The following COL5A1 variants were observed in gnomAD, a reference collection of about 807,000 sequenced individuals.
COL5A1 encodes collagen type V alpha 1 chain.
In COL5A1, 16 loss-of-function variants were observed where a neutral mutation model predicts 263.7. That is an observed-to-expected ratio of 0.06 (90% confidence interval 0.04 to 0.09). COL5A1 has a LOEUF of 0.09. Among genes scored for constraint, COL5A1 ranks in the 10% least tolerant of loss-of-function variants. The pLI, the probability that COL5A1 is intolerant of heterozygous loss-of-function variation, is 1.00. For synonymous variants in COL5A1, 1,012 were observed against 1,004.5 expected, an observed-to-expected ratio of 1.01 and a Z score of -0.14; for missense variants, 2,036 against 2,540.5, an observed-to-expected ratio of 0.80 and a Z score of 4.27.
At chr9:134,824,496 C>T (rs1481520412) in intron 61 of COL5A1, 104 bp from the exon 62 acceptor site, 8 of 1,482,892 alleles carry the variant, frequency 5.4e-6, no homozygotes, top group Non-Finnish European at 5.5e-6. Flanking sequence ...TGCCAGGCCC[C>T]AGGGAACCCC....
chr9:134,755,199 G>A lies in COL5A1; in HGVS notation c.1827+873G>A, dbSNP rs572601676. On this transcript the variant is annotated intron_variant, in intron 16 of 65. Transcript: ENST00000371817. The surrounding 1 kb of genome is among the most constrained non-coding windows in gnomAD (Gnocchi z 4.1). ...GGGCTGGATAATTCCAGGAGGATTA[G>A]CAGCTCTGGAATCGACTCTTGGTAG... Among the ~76,000 whole-genome samples the A allele has an allele frequency of 6.6e-6, 1 of 152,310 alleles. No homozygotes were observed. The highest frequency in any genetic ancestry group is 2.4e-5 in the African/African-American group (1 of 41,568).
chr9:134,694,746 C>A (rs12003837), intron 2 of COL5A1, among the ~76,000 whole-genome samples: 1 of 152,152 alleles, frequency 6.6e-6, no homozygotes, highest in Non-Finnish European at 1.5e-5. Flanking sequence ...AGGACTGTGA[C>A]ACAGGGGCTG....
At chr9:134,837,018 CAT>C (rs769247864) in intron 65 of COL5A1, among the ~76,000 whole-genome samples, 22 of 152,236 alleles carry the variant, frequency 1.4e-4, no homozygotes, top group Non-Finnish European at 2.6e-4. Context: ...ATGAGTATAA[CAT>C]AGCACCTGCC....
At chr9:134,825,607 T>A (rs940170240) in intron 62 of COL5A1, among the ~76,000 whole-genome samples, 185 bp from the exon 63 acceptor site, 1 of 152,106 alleles carries the variant, frequency 6.6e-6, no homozygotes, top group Non-Finnish European at 1.5e-5. Flanking sequence ...TTTGTCCACA[T>A]CTCTTTATGG....
At chr9:134,663,440 C>T (rs889414402) in intron 1 of COL5A1, among the ~76,000 whole-genome samples, 7 of 152,286 alleles carry the variant, frequency 4.6e-5, no homozygotes, top group South Asian at 4.1e-4. Flanking sequence ...GCAAGGAGGC[C>T]GCCCTGGCCA....
chr9:134,772,510 C>G (rs1352153179), intron 25 of COL5A1, among the ~76,000 whole-genome samples: 4 of 152,354 alleles, frequency 2.6e-5, no homozygotes, highest in Middle Eastern at 3.4e-3. Context: ...TTGCTGCATA[C>G]TCCCCGCAAG....
chr9:134,731,815 C>T lies in COL5A1; in HGVS notation c.1332+152C>T, dbSNP rs552378239. ...CAAAACTTTATTTTTAAAGAGACCT[C>T]GGTGCCTCGAATTTGCTCTGAATAA... On this transcript the variant is annotated intron_variant, in intron 8 of 65. Transcript: ENST00000371817. 699 of 945,660 alleles carry T rather than the reference C, an allele frequency of 7.4e-4. 7 individuals are homozygous for T. Among genetic ancestry groups the T allele is most frequent in the South Asian group, 6.3e-3 (374 of 59,496 alleles). 58.6% of individuals were successfully genotyped at this position (945,660 alleles called of 1,614,324 possible).
At chr9:134,727,206 C>T in intron 4 of COL5A1, 60 bp from the exon 5 acceptor site, 4 of 1,588,628 alleles carry the variant, frequency 2.5e-6, no homozygotes, top group Non-Finnish European at 3.4e-6. Flanking sequence ...GCTGTGTCTC[C>T]CAGGTCCCCA....
In COL5A1 at chr9:134,809,293, A is replaced by G. The variant is rs1355970901; in HGVS notation, c.3474+3A>G. The stretch of plus-strand genomic sequence containing the variant: ...CCCCTGGAGAAGACGGAGATAAGGT[A>G]AGGCAAATCCAGAGTGACCCATGGC... On this transcript the variant is annotated splice_donor_region_variant and intron_variant, in intron 43 of 65. Transcript: ENST00000371817. 2 of 1,604,686 alleles carry G rather than the reference A, an allele frequency of 1.2e-6. No individual in the cohort carries two copies. Among genetic ancestry groups the G allele is most frequent in the Non-Finnish European group, 8.5e-7 (1 of 1,175,674 alleles).
At chr9:134,725,278 G>T (rs190041710) in intron 4 of COL5A1, among the ~76,000 whole-genome samples, 1 of 152,290 alleles carries the variant, frequency 6.6e-6, no homozygotes, top group African/African-American at 2.4e-5. Context: ...ACAGGTCCTC[G>T]GTTTCCTCTG....
intron 35 of COL5A1, 62 bp from the exon 36 acceptor site, chr9:134,796,786 C>T: frequency 6.7e-7 from 1 of 1,497,152 alleles, no homozygotes; most frequent in Non-Finnish European, 9.3e-7. Context: ...ACAGGCAGGT[C>T]AGCGGCAGGA....
chr9:134,747,511 ACATT>A (rs1452012035), intron 11 of COL5A1, among the ~76,000 whole-genome samples: 3 of 145,058 alleles, frequency 2.1e-5, no homozygotes, highest in Non-Finnish European at 4.5e-5. Context: ...ACACACGTAC[ACATT>A]CATATGGACG....
At chr9:134,828,736 G>C (rs1839425325) in intron 63 of COL5A1, among the ~76,000 whole-genome samples, 1 of 8,556 alleles carries the variant, frequency 1.2e-4, no homozygotes, top group African/African-American at 4.8e-4. Flanking sequence ...CAGACACACA[G>C]ATACCACACA....
intron 1 of COL5A1, among the ~76,000 whole-genome samples, chr9:134,650,606 C>T (rs529475150): frequency 6.6e-6 from 1 of 152,336 alleles, no homozygotes; most frequent in African/African-American, 2.4e-5. Context: ...AGGGTGTGGC[C>T]AAGGCCAGTC....
intron 9 of COL5A1, among the ~76,000 whole-genome samples, chr9:134,734,118 G>A (rs1835006590): frequency 6.6e-6 from 1 of 152,168 alleles, no homozygotes; most frequent in South Asian, 2.1e-4. Context: ...GGAGGGGGTT[G>A]GGAGTGTGGG....
At chr9:134,802,299 G>A (rs1028351721) in intron 38 of COL5A1, among the ~76,000 whole-genome samples, 1 of 152,232 alleles carries the variant, frequency 6.6e-6, no homozygotes, top group African/African-American at 2.4e-5. Flanking sequence ...GCTCATCCCT[G>A]CTGTGGGTGT....
intron 4 of COL5A1, among the ~76,000 whole-genome samples, chr9:134,719,722 G>A (rs1039723456): frequency 4.6e-5 from 7 of 152,210 alleles, no homozygotes; most frequent in African/African-American, 7.2e-5. Context: ...GCAAGGGGGC[G>A]GCTCAGGAAG....
At position 134,784,860 on chromosome 9, in the gene COL5A1, A is replaced by G. The variant is rs575271894; in HGVS notation, c.2485-129A>G. 3.2e-5 allele frequency: 24 copies of G among 751,234 alleles called. No homozygotes were observed. In the African/African-American group the frequency reaches 3.8e-4, roughly 12 times the overall value. 46.5% of individuals were successfully genotyped at this position (751,234 alleles called of 1,614,324 possible). A position where few individuals can be genotyped will look rare whatever the true frequency, so the allele number is the denominator to read the frequency against. On this transcript the variant is annotated intron_variant, in intron 29 of 65. Coordinates refer to ENST00000371817, the MANE Select transcript of COL5A1 (RefSeq NM_000093.5). ...CAGCTCCGTGGTCTGAGTGAGGCCG[A>G]GCTGGTGGAGCAGCTCTGACCACAG...
intron 1 of COL5A1, among the ~76,000 whole-genome samples, chr9:134,685,029 T>TCCA (rs1832970577): frequency 1.4e-4 from 21 of 146,544 alleles, no homozygotes; most frequent in East Asian, 4.2e-4. Context: ...CATCCATCCA[T>TCCA]CCATTCATCC....
Sources: gnomAD v4.1 joint callset for allele counts (sites outside exome capture counted in the v4.1 genomes callset) on GRCh38, gnomAD v4.1.1 for gene constraint, Gnocchi (gnomAD v3.1) non-coding constraint, MANE v1.5 for transcripts, NCBI Gene and HGNC (gene_info 2026-07-23, HGNC 2026-07-21) for gene names.